Variants in ATG3 observed in about 807,000 individuals in gnomAD.
The protein encoded by ATG3 is autophagy related 3.
ATG3 carries 25 observed loss-of-function variants against 50.7 expected under a neutral mutation model. The ratio of observed to expected loss-of-function variants is 0.49; its 90% CI spans 0.36 to 0.69. ATG3 has a LOEUF of 0.69. Ranked by LOEUF, ATG3 falls within the 30% of genes least tolerant of loss-of-function variation. ATG3 has a pLI of 0.00. For synonymous variants in ATG3, 119 were observed against 125.5 expected (o/e 0.95, Z 0.34); for missense variants, 281 against 376.0 (o/e 0.75, Z 2.09).
At chr3:112,548,512 G>T (rs1364987286) in intron 5 of ATG3, 21 bp downstream of exon 5, 11 of 1,552,334 alleles carry the variant, frequency 7.1e-6, no homozygotes, top group Non-Finnish European at 8.9e-6. Flanking sequence ...CTAAATATAT[G>T]TCATTTTATT....
chr3:112,541,861 G>A lies in ATG3; in HGVS notation c.417C>T (p.Cys139=). 6.2e-7 allele frequency: 1 copy of A among 1,612,106 alleles called. No homozygotes were observed. The highest frequency in any genetic ancestry group is 8.5e-7 in the Non-Finnish European group (1 of 1,179,470). The change falls in exon 7 of 12, where the codon TGC becomes TGT. Residue 139 remains cysteine, a synonymous_variant. Coordinates refer to ENST00000283290, the MANE Select transcript of ATG3 (RefSeq NM_022488.5). ...CTTCTTCCTCTTCACATAGTGCTGA[G>A]CAATCTTGAAGCCTTATATTGTCCT... ...ENKDNIRLQD[C]SALCEEEEDE... is the part of the protein sequence containing the mutation.
At chr3:112,548,503 T>C (rs748048804) in intron 5 of ATG3, 30 bp downstream of exon 5, 1 of 1,536,872 alleles carries the variant, frequency 6.5e-7, no homozygotes, top group Admixed American at 1.7e-5. Context: ...TAATTTAAAC[T>C]AAATATATGT....
intron 7 of ATG3, 36 bp from the exon 8 acceptor site, chr3:112,538,216 C>G (rs1197372099): frequency 6.7e-7 from 1 of 1,502,414 alleles, no homozygotes; most frequent in Admixed American, 2.0e-5. Context: ...TAATCAAGTT[C>G]AAGTTCAAGA....
intron 5 of ATG3, among the ~76,000 whole-genome samples, chr3:112,547,710 A>C (rs1382893564): frequency 6.6e-6 from 1 of 152,250 alleles, no homozygotes. Context: ...ATATTTACTG[A>C]ACAACTTCTA....
At chr3:112,556,471 C>T (rs1933686006) in intron 2 of ATG3, among the ~76,000 whole-genome samples, 1 of 152,106 alleles carries the variant, frequency 6.6e-6, no homozygotes, top group Admixed American at 6.5e-5. Flanking sequence ...CCCGGCCGCC[C>T]CTACTGGGAA....
chr3:112,548,703 A>T, intron 4 of ATG3, 63 bp from the exon 5 acceptor site: 1 of 1,393,032 alleles, frequency 7.2e-7, no homozygotes, highest in Admixed American at 1.7e-5. Flanking sequence ...AATCCATTAG[A>T]AAGAAGAGAG....
chr3:112,533,415 A>G, intron 11 of ATG3: 1 of 985,246 alleles, frequency 1.0e-6, no homozygotes, highest in Non-Finnish European at 1.2e-6. Flanking sequence ...AGTTAGGCAT[A>G]ATAGGACTTC....
chr3:112,558,491 T>A, intron 1 of ATG3, 74 bp from the exon 2 acceptor site: 3 of 1,215,198 alleles, frequency 2.5e-6, no homozygotes, highest in African/African-American at 1.5e-5. Flanking sequence ...GGGGCAATTA[T>A]TTGCCTGGTG....
At chr3:112,540,522 T>TC in intron 7 of ATG3, among the ~76,000 whole-genome samples, 1 of 152,132 alleles carries the variant, frequency 6.6e-6, no homozygotes, top group Non-Finnish European at 1.5e-5. Context: ...TCTCACAAAG[T>TC]ACTGGATGTA....
At chr3:112,536,287 G>T (rs1337723733) in intron 10 of ATG3, 188 bp downstream of exon 10, 2 of 595,372 alleles carry the variant, frequency 3.4e-6, no homozygotes, top group Non-Finnish European at 5.3e-6. Context: ...AAACAAATTG[G>T]TAAGTTTTTT....
At chr3:112,548,183 C>G (rs544698190) in intron 5 of ATG3, among the ~76,000 whole-genome samples, 1 of 152,220 alleles carries the variant, frequency 6.6e-6, no homozygotes, top group African/African-American at 2.4e-5. Flanking sequence ...GAAACCCCAT[C>G]TCTACTAAAA....
At chr3:112,559,270 T>C (rs186613241) in intron 1 of ATG3, among the ~76,000 whole-genome samples, 2 of 152,340 alleles carry the variant, frequency 1.3e-5, no homozygotes, top group African/African-American at 2.4e-5. Context: ...GACACACTAT[T>C]CTCTAAATTT....
intron 4 of ATG3, 114 bp from the exon 5 acceptor site, chr3:112,548,754 A>C (rs1933442732): frequency 1.3e-6 from 1 of 790,392 alleles, no homozygotes; most frequent in Non-Finnish European, 2.1e-6. Context: ...CCAAAGTACT[A>C]AGTGAATATT....
intron 2 of ATG3, among the ~76,000 whole-genome samples, chr3:112,557,134 T>G (rs1054183413): frequency 6.8e-6 from 1 of 148,088 alleles, no homozygotes; most frequent in Non-Finnish European, 1.5e-5. Context: ...AAAGATTAGT[T>G]ATGCAAACCA....
intron 7 of ATG3, among the ~76,000 whole-genome samples, chr3:112,540,651 G>C (rs530881514): frequency 6.6e-6 from 1 of 151,152 alleles, no homozygotes; most frequent in East Asian, 1.9e-4. Context: ...AGAAACCCAC[G>C]GAACAGTAAC....
rs918316475 is a variant in ATG3, at chr3:112,561,789, G to T, written c.-261C>A. 25 of 481,900 alleles carry T rather than the reference G, an allele frequency of 5.2e-5. No homozygotes were observed. The highest frequency in any genetic ancestry group is 4.8e-4 in the African/African-American group (23 of 47,788). The allele number at this position is 481,900 out of a possible 1,614,324, so 29.9% of individuals were successfully genotyped here. A position where few individuals can be genotyped will look rare whatever the true frequency, so the allele number is the denominator to read the frequency against. On this transcript the variant is annotated 5_prime_UTR_variant, in exon 1 of 12. Coordinates refer to ENST00000283290, the MANE Select transcript of ATG3 (RefSeq NM_022488.5). ...CCGGACCCAGCTGTCACCCAGCCGC[G>T]AGGGAGGGCAGCGGGGCCGAAGGGA...
intron 5 of ATG3, 151 bp from the exon 6 acceptor site, chr3:112,544,257 T>C (rs917931504): frequency 1.1e-5 from 7 of 610,138 alleles, no homozygotes; most frequent in Non-Finnish European, 2.0e-5. Context: ...TGAACTCTAA[T>C]GAGAATAGTC....
intron 8 of ATG3, 49 bp downstream of exon 8, chr3:112,538,097 C>A: frequency 7.1e-7 from 1 of 1,404,890 alleles, no homozygotes; most frequent in Non-Finnish European, 9.8e-7. Context: ...AACATGCATC[C>A]CCAAGTTCAT....
chr3:112,543,790 T>C (rs1933295339), intron 6 of ATG3, among the ~76,000 whole-genome samples: 1 of 152,164 alleles, frequency 6.6e-6, no homozygotes, highest in Non-Finnish European at 1.5e-5. Context: ...ATTAGTAGTT[T>C]GTACAAGTTA....
Sources: gnomAD v4.1 joint callset for allele counts (sites outside exome capture counted in the v4.1 genomes callset) on GRCh38, gnomAD v4.1.1 for gene constraint, MANE v1.5 for transcripts, NCBI Gene and HGNC (gene_info 2026-07-23, HGNC 2026-07-21) for gene names.